Variants in EPPIN observed in about 807,000 individuals in gnomAD.
EPPIN encodes the protein WAP four-disulfide core domain protein 7.
In EPPIN, 14 loss-of-function variants were observed where a neutral mutation model predicts 18.8. The ratio of observed to expected loss-of-function variants is 0.75; its 90% CI spans 0.49 to 1.17. The LOEUF (loss-of-function observed/expected upper bound fraction) is 1.17. Ranked by LOEUF, EPPIN falls within the 50% of genes most tolerant of loss-of-function variation. EPPIN has a pLI of 0.00. For synonymous variants in EPPIN, 57 were observed against 54.8 expected, an observed-to-expected ratio of 1.04 and a Z score of -0.18; for missense variants, 143 against 154.2, an observed-to-expected ratio of 0.93 and a Z score of 0.39.
intron 2 of EPPIN, chr20:45,544,033 C>A (rs1380867066): frequency 6.6e-6 from 1 of 152,198 alleles, no homozygotes; most frequent in Non-Finnish European, 1.5e-5. Context: ...TTGTTTATAT[C>A]TTCAGTCTCA....
At position 45,545,723 on chromosome 20, in the gene EPPIN, C is replaced by T; in HGVS notation, c.139G>A (p.Val47Met). 6.2e-7 allele frequency: 1 copy of T among 1,614,106 alleles called. No homozygotes were observed. The highest frequency in any genetic ancestry group is 2.2e-5 in the East Asian group (1 of 44,886). Residue 47 changes from valine to methionine, a missense_variant, in exon 2 of 4, where the codon GTG becomes ATG. By Grantham distance (21) the Val-to-Met change is conservative. Transcript: ENST00000354280. ...REECEFQERD[V>M]CTKDRQCQDN... is the part of the protein sequence containing the mutation. ...TGGCATTGTCTGTCCTTTGTACACA[C>T]ATCCCTTTCTTGGAATTCACATTCT...
chr20:45,541,907 G>C lies in EPPIN; in HGVS notation c.*237C>G. On this transcript the variant is annotated 3_prime_UTR_variant, in exon 4 of 4. Transcript: ENST00000354280. ...ACACAGGTATAAACTGGGAGTTCTAGAAGTTGGAGATAAAGGGGACATAAA... is the reference window on the plus strand; with the variant it reads ...ACACAGGTATAAACTGGGAGTTCTACAAGTTGGAGATAAAGGGGACATAAA... The C allele has an allele frequency of 1.9e-6, 1 of 516,574 alleles. No individual in the cohort carries two copies. Among genetic ancestry groups the C allele is most frequent in the South Asian group, 2.9e-5 (1 of 34,018 alleles). 32.0% of individuals were successfully genotyped at this position (516,574 alleles called of 1,614,324 possible).
At chr20:45,546,327 C>A (rs1979833979) in intron 1 of EPPIN, 1 of 153,886 alleles carries the variant, frequency 6.5e-6, no homozygotes, top group African/African-American at 2.4e-5. Context: ...ATTTTGAATT[C>A]TGACTTGGTC....
chr20:45,542,552 C>T, intron 3 of EPPIN, 148 bp downstream of exon 3: 1 of 1,218,754 alleles, frequency 8.2e-7, no homozygotes. Flanking sequence ...TTGCCTTTTG[C>T]CAGGTGCATT....
rs756936989 is a variant in EPPIN at position 45,547,259 on chromosome 20, A to T, written c.91+8T>A. 2 of 1,613,828 alleles carry T rather than the reference A, an allele frequency of 1.2e-6. No homozygotes were observed. Among genetic ancestry groups the T allele is most frequent in the East Asian group, 2.2e-5 (1 of 44,864 alleles). ...CTCTCTAGGGTAAGGGCTGAGGCCA[A>T]TACTTACTGGGAAATAACCAATCAG... is the stretch of plus-strand genomic sequence containing the variant. On this transcript the variant is annotated splice_region_variant and intron_variant, in intron 1 of 3. Transcript: ENST00000354280.
intron 2 of EPPIN, chr20:45,544,910 CTG>C (rs1491314959): frequency 6.6e-6 from 1 of 152,176 alleles, no homozygotes; most frequent in Non-Finnish European, 1.5e-5. Context: ...GGCCCCACCA[CTG>C]AGCCTTTGTG....
rs1023793825 is a variant in EPPIN at position 45,540,725 on chromosome 20, C to T, written c.*1419G>A. On this transcript the variant is annotated 3_prime_UTR_variant, in exon 4 of 4. Coordinates refer to ENST00000354280, the MANE Select transcript of EPPIN (RefSeq NM_020398.4). ...GCAAATCAAAACCACAATGAGATAC[C>T]ATCTCATGCCAGTCAGAATGGTGAT... is the stretch of plus-strand genomic sequence containing the variant. 3.9e-5 allele frequency: 6 copies of T among 152,078 alleles called. No homozygotes were observed. Among genetic ancestry groups the T allele is most frequent in the African/African-American group, 1.2e-4 (5 of 41,396 alleles). 9.4% of individuals were successfully genotyped at this position (152,078 alleles called of 1,614,324 possible).
At chr20:45,543,260 C>T (rs1979680836) in intron 2 of EPPIN, 1 of 159,832 alleles carries the variant, frequency 6.3e-6, no homozygotes, top group Non-Finnish European at 1.4e-5. Context: ...CCAAAGATTG[C>T]CAGCAAAGCA....
Position 45,542,816 on chromosome 20 carries a change from T to C in EPPIN, c.275A>G (p.His92Arg), listed in dbSNP as rs2231838. The C allele has an allele frequency of 0.018, 29,589 of 1,613,852 alleles. 1,436 individuals carry two copies. The highest frequency in any genetic ancestry group is 0.15 in the African/African-American group (10,940 of 74,996). The change falls in exon 3 of 4, where the codon CAT (histidine) becomes CGT (arginine). Residue 92 changes from histidine to arginine, a missense_variant. By Grantham distance (29) the His-to-Arg change is conservative (BLOSUM62 0). Coordinates refer to ENST00000354280, the MANE Select transcript of EPPIN (RefSeq NM_020398.4). ...ATTATCTTTCTTGTCATACCACCAA[T>C]GAAGAAAATAAGCCAGGCAGGGGCC... ...ETGPCLAYFL[H>R]WWYDKKDNTC...
At position 45,542,864 on chromosome 20, in the gene EPPIN, A is replaced by G; in HGVS notation, c.227T>C (p.Val76Ala). Residue 76 changes from valine to alanine, a missense_variant, in exon 3 of 4, where the codon GTA becomes GCA. Transcript: ENST00000354280. ...GKKCLDLKQD[V>A]CEMPKETGPC... The stretch of plus-strand genomic sequence containing the variant: ...GCCAGTTTCTTTTGGCATTTCGCAT[A>G]CATCTGCAGAGAGACTCCAGAGTTG... The G allele has an allele frequency of 6.2e-7, 1 of 1,611,004 alleles. No homozygotes were observed. Among genetic ancestry groups the G allele is most frequent in the Non-Finnish European group, 8.5e-7 (1 of 1,178,808 alleles).
intron 2 of EPPIN, 146 bp from the exon 3 acceptor site, chr20:45,543,013 A>G: frequency 8.0e-7 from 1 of 1,245,404 alleles, no homozygotes; most frequent in Non-Finnish European, 1.1e-6. Context: ...CTCCACTGAC[A>G]TATTGCACAC....
chr20:45,542,248 A>T (rs1292723931), intron 3 of EPPIN, 94 bp from the exon 4 acceptor site: 1 of 1,542,566 alleles, frequency 6.5e-7, no homozygotes, highest in Non-Finnish European at 8.8e-7. Context: ...GCACAGAAAG[A>T]CACTAAAAAG....
chr20:45,541,977 G>A lies in EPPIN; in HGVS notation c.*167C>T. 4 of 705,474 alleles carry A rather than the reference G, an allele frequency of 5.7e-6. No homozygotes were observed. The highest frequency in any genetic ancestry group is 9.1e-6 in the Non-Finnish European group (4 of 439,516). 43.7% of individuals were successfully genotyped at this position (705,474 alleles called of 1,614,324 possible). ...GATATTGTGCATCAAAAGAGCCAAAGATGGAGGAAGAGGAGGTAGATGCAA... is the reference window on the plus strand; with the variant it reads ...GATATTGTGCATCAAAAGAGCCAAAAATGGAGGAAGAGGAGGTAGATGCAA... On this transcript the variant is annotated 3_prime_UTR_variant, in exon 4 of 4. Transcript: ENST00000354280.
chr20:45,545,588 G>A (rs753017282), intron 2 of EPPIN, 51 bp downstream of exon 2: 14 of 1,611,980 alleles, frequency 8.7e-6, no homozygotes, highest in African/African-American at 1.3e-5. Context: ...GAAGGCAGAA[G>A]GTGAGGACAG....
In EPPIN at chr20:45,545,596, CA is replaced by C. The variant is rs562529954; in HGVS notation, c.223+42del. The C allele has an allele frequency of 1.4e-4, 226 of 1,612,816 alleles. 4 individuals are homozygous for C. In the South Asian group the frequency reaches 2.3e-3, roughly 17 times the overall value. ...AGTCCAGGAAGGCAGAAGGTGAGGA[CA>C]GGGGGAGGAGGGGTTGGTTATTCTG... On this transcript the variant is annotated intron_variant, in intron 2 of 3. Transcript: ENST00000354280.
intron 3 of EPPIN, 113 bp from the exon 4 acceptor site, chr20:45,542,267 T>TACCCAC (rs1979627114): frequency 7.0e-7 from 1 of 1,438,556 alleles, no homozygotes; most frequent in African/African-American, 1.4e-5. Flanking sequence ...AGTAGTGGGT[T>TACCCAC]TGCTTTGGGG....
chr20:45,542,351 G>T, intron 3 of EPPIN, 197 bp from the exon 4 acceptor site: 1 of 720,688 alleles, frequency 1.4e-6, no homozygotes, highest in Non-Finnish European at 2.2e-6. Flanking sequence ...GACATTGATG[G>T]CTTAGAAGGG....
chr20:45,546,952 AAGG>A (rs1178701210), intron 1 of EPPIN, among the ~76,000 whole-genome samples: 1 of 152,082 alleles, frequency 6.6e-6, no homozygotes, highest in Admixed American at 6.6e-5. Flanking sequence ...CTTGTGGGGT[AAGG>A]AGAAGGTCCC....
At chr20:45,546,854 C>G (rs1600879168) in intron 1 of EPPIN, among the ~76,000 whole-genome samples, 1 of 152,200 alleles carries the variant, frequency 6.6e-6, no homozygotes, top group East Asian at 1.9e-4. Context: ...TTAGGGAACC[C>G]CTAGGGATAC....
Sources: gnomAD v4.1 joint callset for allele counts (sites outside exome capture counted in the v4.1 genomes callset) on GRCh38, gnomAD v4.1.1 for gene constraint, MANE v1.5 for transcripts, NCBI Gene and HGNC (gene_info 2026-07-23, HGNC 2026-07-21) for gene names.